OTOF: variants seen among roughly 807,000 people sequenced by gnomAD.
The protein encoded by OTOF is otoferlin, also known as fer-1-like family member 2.
Under a neutral mutation model 236.8 loss-of-function variants are expected in OTOF, and 218 were observed. That is an observed-to-expected ratio of 0.92 (90% confidence interval 0.82 to 1.03). The LOEUF is 1.03. Ranked by LOEUF, OTOF falls within the 50% of genes least tolerant of loss-of-function variation. The pLI, the probability that OTOF is intolerant of heterozygous loss-of-function variation, is 0.00. For missense variants in OTOF, 2,590 were observed against 2,694.4 expected (o/e 0.96, Z 0.86); for synonymous variants, 1,041 against 1,072.5 (o/e 0.97, Z 0.57).
intron 3 of OTOF, 133 bp downstream of exon 3, chr2:26,527,699 C>G: frequency 1.3e-6 from 1 of 751,586 alleles, no homozygotes; most frequent in South Asian, 1.4e-5. Context: ...TTTCTTCGGT[C>G]TTTGAAGATC....
chr2:26,502,754 C>G lies in OTOF; in HGVS notation c.584-328G>C, dbSNP rs533453207. 2.0e-5 allele frequency among the ~76,000 whole-genome samples: 3 copies of G among 152,290 alleles called. No individual in the cohort carries two copies. The South Asian group carries it at 6.2e-4, about 32-fold the overall frequency. Reference sequence around the variant, plus strand: ...TTTTGCACCTCTCAATAAATAGCTACCATTTGTTGGGTGGATACTCTCTGT... The same window carrying G: ...TTTTGCACCTCTCAATAAATAGCTAGCATTTGTTGGGTGGATACTCTCTGT... On this transcript the variant is annotated intron_variant, in intron 6 of 46. Transcript: ENST00000272371.
chr2:26,555,770 C>G (rs10192160), intron 1 of OTOF, among the ~76,000 whole-genome samples: 46,159 of 151,980 alleles, frequency 0.3, 8,041 homozygotes, highest in African/African-American at 0.49. Context: ...CTCTGCTGGT[C>G]TGGAGAGAAG....
intron 4 of OTOF, 100 bp downstream of exon 4, chr2:26,518,910 G>T: frequency 1.2e-6 from 1 of 833,054 alleles, no homozygotes; most frequent in Non-Finnish European, 2.0e-6. Context: ...CGCCATGCAT[G>T]AGAGGCATTC....
At position 26,489,842 on chromosome 2, in the gene OTOF, A is replaced by G. The variant is rs78947900; in HGVS notation, c.898-102T>C. 8.2e-3 allele frequency: 7,179 copies of G among 877,056 alleles called. 184 individuals are homozygous for G. Among genetic ancestry groups the G allele is most frequent in the African/African-American group, 0.073 (4,469 of 60,822 alleles). The allele number at this position is 877,056 out of a possible 1,614,324, so 54.3% of individuals were successfully genotyped here. On this transcript the variant is annotated intron_variant, in intron 9 of 46. Transcript: ENST00000272371. ...CTCGCAGGGCCTGTCTGCACCCCAG[A>G]CATTTGCCCTGAGCCCCAAAGTTCA...
chr2:26,549,803 G>A (rs190609276), intron 1 of OTOF, among the ~76,000 whole-genome samples: 10 of 152,266 alleles, frequency 6.6e-5, no homozygotes, highest in Admixed American at 5.2e-4. Flanking sequence ...CCCTGCAACC[G>A]ACTGAAAGCG....
chr2:26,554,390 A>G (rs1416743911), intron 1 of OTOF, among the ~76,000 whole-genome samples: 1 of 152,072 alleles, frequency 6.6e-6, no homozygotes, highest in African/African-American at 2.4e-5. Context: ...AAGAACTCAA[A>G]CCCATGACAC....
chr2:26,502,207 T>C, intron 7 of OTOF, 93 bp downstream of exon 7: 1 of 1,409,678 alleles, frequency 7.1e-7, no homozygotes. Flanking sequence ...CCATGAGCCC[T>C]GATTCTTCCC....
At chr2:26,501,677 T>A in intron 8 of OTOF, 77 bp downstream of exon 8, 1 of 993,194 alleles carries the variant, frequency 1.0e-6, no homozygotes, top group Non-Finnish European at 1.6e-6. Context: ...CTCAGTATAG[T>A]GGATAATGCA....
chr2:26,504,789 T>C (rs1010469756), intron 5 of OTOF, among the ~76,000 whole-genome samples: 4 of 152,108 alleles, frequency 2.6e-5, no homozygotes, highest in Admixed American at 6.5e-5. Context: ...ACCCCATCCA[T>C]ATTGCATGAG....
chr2:26,540,913 A>C (rs1442392677), intron 1 of OTOF, among the ~76,000 whole-genome samples: 2 of 152,246 alleles, frequency 1.3e-5, no homozygotes, highest in African/African-American at 2.4e-5. Flanking sequence ...ATATCTCAAC[A>C]ACAAGCCCCC....
chr2:26,557,078 A>G (rs1254758508), intron 1 of OTOF, among the ~76,000 whole-genome samples: 2 of 152,174 alleles, frequency 1.3e-5, no homozygotes, highest in Non-Finnish European at 2.9e-5. Flanking sequence ...CGGCAGGGCC[A>G]CTGCCATCAC....
chr2:26,531,761 C>T (rs1423313160), intron 2 of OTOF, among the ~76,000 whole-genome samples: 1 of 152,134 alleles, frequency 6.6e-6, no homozygotes, highest in African/African-American at 2.4e-5. Context: ...AGCTACACTC[C>T]TCTCCTGACT....
chr2:26,461,098 T>TCTTATACACATCTCC lies in OTOF; in HGVS notation c.5534-69_5534-68insGGAGATGTGTATAAG. On this transcript the variant is annotated intron_variant, in intron 43 of 46. Transcript: ENST00000272371. This position sits in a 1 kb window ranked among gnomAD's most constrained non-coding sequence, Gnocchi z 6.2. ...GTGGGGCGGGGTGGGGGTGGGGGTC[T>TCTTATACACATCTCC]GGGCTCCTCGGCCCCTTGTTTGCTG... The TCTTATACACATCTCC allele has an allele frequency of 8.0e-6, 6 of 749,218 alleles. No individual in the cohort carries two copies. Among genetic ancestry groups the TCTTATACACATCTCC allele is most frequent in the African/African-American group, 1.7e-5 (1 of 58,294 alleles). The allele number at this position is 749,218 out of a possible 1,614,324, so 46.4% of individuals were successfully genotyped here.
At chr2:26,539,836 T>C (rs1667168115) in intron 1 of OTOF, among the ~76,000 whole-genome samples, 1 of 152,244 alleles carries the variant, frequency 6.6e-6, no homozygotes, top group African/African-American at 2.4e-5. Context: ...CCACTGCACC[T>C]GGCTGAAAGA....
chr2:26,497,012 T>C (rs1431479788), intron 8 of OTOF, among the ~76,000 whole-genome samples: 3 of 151,958 alleles, frequency 2.0e-5, no homozygotes, highest in African/African-American at 7.2e-5. Flanking sequence ...ATTGATTCAC[T>C]TGCCTCTCTC....
intron 8 of OTOF, among the ~76,000 whole-genome samples, chr2:26,499,221 G>C (rs1666059715): frequency 6.6e-6 from 1 of 152,100 alleles, no homozygotes; most frequent in African/African-American, 2.4e-5. Flanking sequence ...TCTTGCCTTG[G>C]AGATGGCAAT....
intron 9 of OTOF, 85 bp downstream of exon 9, chr2:26,494,857 C>T (rs1665941163): frequency 1.3e-6 from 2 of 1,535,726 alleles, no homozygotes; most frequent in Admixed American, 1.7e-5. Flanking sequence ...CCTTGACTTC[C>T]AGCCACTCCT....
intron 29 of OTOF, 31 bp from the exon 30 acceptor site, chr2:26,472,680 A>G (rs1257956766): frequency 6.2e-7 from 1 of 1,610,292 alleles, no homozygotes; most frequent in East Asian, 2.2e-5. Context: ...ACAGACAGGC[A>G]GAGGAAGGAG....
intron 30 of OTOF, among the ~76,000 whole-genome samples, chr2:26,471,396 C>A (rs539243242): frequency 6.6e-6 from 1 of 152,186 alleles, no homozygotes; most frequent in Non-Finnish European, 1.5e-5. Context: ...GGCTGGCCCA[C>A]GTTCTGCCCT....
Sources: gnomAD v4.1 joint callset for allele counts (sites outside exome capture counted in the v4.1 genomes callset) on GRCh38, gnomAD v4.1.1 for gene constraint, Gnocchi (gnomAD v3.1) non-coding constraint, MANE v1.5 for transcripts, NCBI Gene and HGNC (gene_info 2026-07-23, HGNC 2026-07-21) for gene names.